Variants in SLIT1 observed in about 807,000 individuals in gnomAD.
SLIT1 encodes slit homolog 1 protein.
A neutral mutation model predicts 186.1 loss-of-function variants in SLIT1; 66 were observed. The observed-to-expected ratio is 0.35, with a 90% CI of 0.29 to 0.44. SLIT1 has a LOEUF of 0.44. Among genes scored for constraint, SLIT1 ranks in the 20% least tolerant of loss-of-function variants. The pLI, the probability that SLIT1 is intolerant of heterozygous loss-of-function variation, is 1.00. For missense variants in SLIT1, 1,638 were observed against 2,037.4 expected (o/e 0.80, Z 3.77); for synonymous variants, 761 against 833.8 (o/e 0.91, Z 1.50).
At chr10:97,182,764 A>G (rs966944203) in intron 1 of SLIT1, among the ~76,000 whole-genome samples, 6 of 152,200 alleles carry the variant, frequency 3.9e-5, no homozygotes, top group African/African-American at 1.2e-4. Context: ...TTTCAGCCCC[A>G]GGGACAAGCT....
rs1382829099 is a variant in SLIT1, at chr10:97,031,464, CA to C, written c.2510+141del. Reference sequence around the variant, plus strand: ...AGCTTCTTGGGAATGAGAGTATCCACAGGGGCTTAAGTGACAGCACTCTGGA... The same window carrying C: ...AGCTTCTTGGGAATGAGAGTATCCACGGGGCTTAAGTGACAGCACTCTGGA... On this transcript the variant is annotated intron_variant, in intron 24 of 36. Transcript: ENST00000266058. 3.1e-5 allele frequency: 19 copies of C among 617,482 alleles called. No homozygotes were observed. In the African/African-American group the frequency reaches 3.1e-4, roughly 10 times the overall value. 38.3% of individuals were successfully genotyped at this position (617,482 alleles called of 1,614,324 possible).
chr10:97,065,800 C>G, intron 5 of SLIT1: 1 of 526,032 alleles, frequency 1.9e-6, no homozygotes, highest in Non-Finnish European at 3.5e-6. Flanking sequence ...TCCGTTGGCT[C>G]TCATATGGAA....
In SLIT1 at chr10:97,021,130, C is replaced by CCT. The variant is rs199873057; in HGVS notation, c.2746+119_2746+120insAG. 1.1e-5 allele frequency: 10 copies of CCT among 942,584 alleles called. No individual in the cohort carries two copies. Among genetic ancestry groups the CCT allele is most frequent in the South Asian group, 1.8e-5 (1 of 54,142 alleles). The allele number at this position is 942,584 out of a possible 1,614,324, so 58.4% of individuals were successfully genotyped here. A position where few individuals can be genotyped will look rare whatever the true frequency, so the allele number is the denominator to read the frequency against. ...CCATCAAGCCGCAGGTGCCTTGTTCCTGTCCCCTGACCCCCCGCCCAGCGG... is the reference window on the plus strand; with the variant it reads ...CCATCAAGCCGCAGGTGCCTTGTTCCCTTGTCCCCTGACCCCCCGCCCAGCGG... On this transcript the variant is annotated intron_variant, in intron 26 of 36. Transcript: ENST00000266058. This position sits in a 1 kb window ranked among gnomAD's most constrained non-coding sequence, Gnocchi z 4.5.
rs1396024566 is a variant in SLIT1, at chr10:97,057,294, C to A, written c.1086-13G>T. 6.2e-7 allele frequency: 1 copy of A among 1,612,718 alleles called. No individual in the cohort carries two copies. The highest frequency in any genetic ancestry group is 8.5e-7 in the Non-Finnish European group (1 of 1,179,378). On this transcript the variant is annotated splice_polypyrimidine_tract_variant and intron_variant, in intron 11 of 36. Transcript: ENST00000266058. ...TCCATAGAGGACCCTGGAGAAAAGG[C>A]AGCAGAGAGGAGGGTTAGAGGACAG... is the stretch of plus-strand genomic sequence containing the variant.
intron 3 of SLIT1, among the ~76,000 whole-genome samples, chr10:97,159,806 T>C (rs1428685173): frequency 6.6e-6 from 1 of 152,190 alleles, no homozygotes; most frequent in African/African-American, 2.4e-5. Flanking sequence ...AACAGCACTT[T>C]GCATTCGTGC....
intron 4 of SLIT1, among the ~76,000 whole-genome samples, chr10:97,106,728 T>C (rs1730259197): frequency 6.6e-6 from 1 of 152,072 alleles, no homozygotes; most frequent in South Asian, 2.1e-4. Context: ...CCCAAGGCTA[T>C]GATCTTTGTG....
rs377310191 is a variant in SLIT1 at position 97,002,201 on chromosome 10, G to A, written c.4323C>T (p.His1441=). 9.6e-5 allele frequency: 150 copies of A among 1,570,428 alleles called. 1 individual carries two copies. The Middle Eastern group carries it at 1.4e-3, about 15-fold the overall frequency. ...CCGAAAAGCCGGGGTCACACACACA[G>A]TGTGCCCCCTTGGTGCCTGAGGCCT... is the stretch of plus-strand genomic sequence containing the variant. ...HCQASGTKGA[H]CVCDPGFSGE... The change falls in exon 36 of 37, where the codon CAC becomes CAT. Residue 1441 remains histidine, a synonymous_variant. Transcript: ENST00000266058.
intron 4 of SLIT1, among the ~76,000 whole-genome samples, chr10:97,117,566 C>G (rs1564680122): frequency 1.3e-5 from 2 of 152,180 alleles, no homozygotes; most frequent in Non-Finnish European, 2.9e-5. Flanking sequence ...TAGCATACTA[C>G]TGCCACCTGG....
chr10:97,006,134 C>T lies in SLIT1; in HGVS notation c.3579+349G>A, dbSNP rs1848357806. Reference sequence around the variant, plus strand: ...GTATAAGCCCAAAGTTAAATCTGGCCACATTCCAGGCACACATAGAAAGCC... The same window carrying T: ...GTATAAGCCCAAAGTTAAATCTGGCTACATTCCAGGCACACATAGAAAGCC... On this transcript the variant is annotated intron_variant, in intron 32 of 36. Transcript: ENST00000266058. This position sits in a 1 kb window ranked among gnomAD's most constrained non-coding sequence, Gnocchi z 4.0. Among the ~76,000 whole-genome samples, 1 of 152,076 alleles carries T rather than the reference C, an allele frequency of 6.6e-6. No individual in the cohort carries two copies. The highest frequency in any genetic ancestry group is 6.5e-5 in the Admixed American group (1 of 15,268).
At chr10:97,052,398 C>T (rs1178101895) in intron 13 of SLIT1, among the ~76,000 whole-genome samples, 1 of 152,038 alleles carries the variant, frequency 6.6e-6, no homozygotes, top group Non-Finnish European at 1.5e-5. Context: ...CTGCACCTGG[C>T]CTGTATGATT....
chr10:97,094,784 A>T (rs1315553224), intron 4 of SLIT1, among the ~76,000 whole-genome samples: 1 of 152,194 alleles, frequency 6.6e-6, no homozygotes, highest in African/African-American at 2.4e-5. Flanking sequence ...ATATCTTTGA[A>T]TTTTTTTACA....
intron 21 of SLIT1, among the ~76,000 whole-genome samples, chr10:97,038,273 C>T (rs888663628): frequency 6.6e-6 from 1 of 152,142 alleles, no homozygotes; most frequent in Non-Finnish European, 1.5e-5. Flanking sequence ...ACCCTGATGT[C>T]GCTTCTCCTC....
intron 18 of SLIT1, among the ~76,000 whole-genome samples, chr10:97,045,002 T>G (rs1329587229): frequency 1.3e-5 from 2 of 152,166 alleles, no homozygotes; most frequent in Non-Finnish European, 1.5e-5. Flanking sequence ...AGAGCTCTCT[T>G]GCCCTCTTTC....
intron 4 of SLIT1, chr10:97,153,180 G>C (rs1300185673): frequency 6.6e-6 from 1 of 152,170 alleles, no homozygotes; most frequent in African/African-American, 2.4e-5. Context: ...TTGTCAAGCT[G>C]CTCTGTGGTC....
chr10:97,067,830 A>G (rs909284197), intron 4 of SLIT1, among the ~76,000 whole-genome samples: 4 of 152,078 alleles, frequency 2.6e-5, no homozygotes, highest in African/African-American at 7.2e-5. Flanking sequence ...CTCCTGGGCC[A>G]GGCCCGTGGG....
intron 32 of SLIT1, among the ~76,000 whole-genome samples, chr10:97,005,511 C>T (rs1848352331): frequency 6.6e-6 from 1 of 152,216 alleles, no homozygotes; most frequent in Admixed American, 6.5e-5. Context: ...GACTCAGCAG[C>T]TGGTTCAGAG....
intron 21 of SLIT1, among the ~76,000 whole-genome samples, chr10:97,039,700 C>A (rs181081316): frequency 4.4e-4 from 67 of 152,330 alleles, no homozygotes; most frequent in Non-Finnish European, 9.0e-4. Flanking sequence ...CAATGACAGG[C>A]GGGAAAGCAA....
At chr10:97,118,953 G>A (rs1305779982) in intron 4 of SLIT1, among the ~76,000 whole-genome samples, 2 of 152,180 alleles carry the variant, frequency 1.3e-5, no homozygotes, top group Non-Finnish European at 1.5e-5. Flanking sequence ...GGAGAGAAAC[G>A]GAAATACATC....
chr10:97,003,338 C>T (rs1222102104), intron 34 of SLIT1, among the ~76,000 whole-genome samples: 1 of 152,232 alleles, frequency 6.6e-6, no homozygotes, highest in Non-Finnish European at 1.5e-5. Flanking sequence ...AGACCCCAGC[C>T]GTAGCAAAGG....
Sources: gnomAD v4.1 joint callset for allele counts (sites outside exome capture counted in the v4.1 genomes callset) on GRCh38, gnomAD v4.1.1 for gene constraint, Gnocchi (gnomAD v3.1) non-coding constraint, MANE v1.5 for transcripts, NCBI Gene and HGNC (gene_info 2026-07-23, HGNC 2026-07-21) for gene names.